The following HYKK variants were observed in gnomAD, a reference collection of about 807,000 sequenced individuals.
HYKK encodes 5-hydroxy-L-lysine kinase.
HYKK carries 19 observed loss-of-function variants against 29.7 expected under a neutral mutation model. That is an observed-to-expected ratio of 0.64 (90% CI 0.45 to 0.94). HYKK has a LOEUF of 0.94. Ranked by LOEUF, HYKK falls within the 40% of genes least tolerant of loss-of-function variation. The probability of loss-of-function intolerance (pLI) is 0.00; values close to 1 mark genes in which losing one functional copy is unlikely to be tolerated. For synonymous variants in HYKK, 152 were observed against 158.1 expected (o/e 0.96, Z 0.29); for missense variants, 390 against 443.4 (o/e 0.88, Z 1.08).
chr15:78,524,344 C>T (rs999635230), intron 3 of HYKK, among the ~76,000 whole-genome samples: 2 of 152,344 alleles, frequency 1.3e-5, no homozygotes, highest in African/African-American at 4.8e-5. Context: ...AAGCTATACC[C>T]GTACCATACC....
At chr15:78,521,915 T>C (rs545547724) in intron 3 of HYKK, among the ~76,000 whole-genome samples, 2 of 152,012 alleles carry the variant, frequency 1.3e-5, no homozygotes, top group African/African-American at 4.8e-5. Context: ...CTCAGAGCCT[T>C]CCCCGAGTAG....
At chr15:78,511,208 C>T (rs1293104022) in intron 1 of HYKK, among the ~76,000 whole-genome samples, 3 of 152,028 alleles carry the variant, frequency 2.0e-5, no homozygotes, top group Non-Finnish European at 4.4e-5. Flanking sequence ...TTATTTACAA[C>T]TTAGTATGAA....
chr15:78,527,792 A>G, intron 4 of HYKK: 1 of 1,215,746 alleles, frequency 8.2e-7, no homozygotes, highest in Non-Finnish European at 1.0e-6. Context: ...TTAAATTTGC[A>G]CATTACATAT....
At chr15:78,522,009 A>C (rs1489407064) in intron 3 of HYKK, among the ~76,000 whole-genome samples, 2 of 147,988 alleles carry the variant, frequency 1.4e-5, no homozygotes, top group African/African-American at 5.0e-5. Context: ...TAATGAGGTG[A>C]GATCTCACTA....
chr15:78,512,780 A>G (rs184539019), intron 1 of HYKK, among the ~76,000 whole-genome samples: 10 of 152,252 alleles, frequency 6.6e-5, no homozygotes, highest in African/African-American at 2.4e-4. Context: ...AATTTCCCCT[A>G]TAAAATTAAT....
Position 78,533,281 on chromosome 15 carries a change from G to A in HYKK, c.733G>A (p.Glu245Lys), listed in dbSNP as rs1270581931. ...CAGCAAGTCAGCCTCTGGAAATGCTGAATATCAAGTGTCTGGGATTTTAGA... is the reference window on the plus strand; with the variant it reads ...CAGCAAGTCAGCCTCTGGAAATGCTAAATATCAAGTGTCTGGGATTTTAGA... The part of the protein sequence containing the change: ...ESSKSASGNA[E>K]YQVSGILDFG... The change falls in exon 5 of 5, where the codon GAA becomes AAA. Residue 245 changes from glutamate to lysine, a missense_variant. Coordinates refer to ENST00000388988, the MANE Select transcript of HYKK (RefSeq NM_001013619.4). The A allele has an allele frequency of 1.2e-6, 2 of 1,613,688 alleles. No individual in the cohort carries two copies. Among genetic ancestry groups the A allele is most frequent in the Non-Finnish European group, 1.7e-6 (2 of 1,179,670 alleles).
intron 4 of HYKK, among the ~76,000 whole-genome samples, chr15:78,532,896 C>A (rs1276554930): frequency 6.6e-6 from 1 of 152,160 alleles, no homozygotes; most frequent in Non-Finnish European, 1.5e-5. Context: ...GAATGTGTTT[C>A]TATTCTTTTA....
At chr15:78,513,448 A>C in intron 2 of HYKK, 23 bp downstream of exon 2, 1 of 1,531,964 alleles carries the variant, frequency 6.5e-7, no homozygotes, top group Non-Finnish European at 9.0e-7. Context: ...CAATTCGCCG[A>C]TCCATTACCT....
In HYKK at chr15:78,513,176, T is replaced by C. The variant is rs1244712759; in HGVS notation, c.88T>C (p.Phe30Leu). ...EQASALVESV[F>L]GLKVSKVRPL... ...AGCCTCTGCGTTAGTGGAGTCAGTG[T>C]TTGGGTTGAAAGTTTCCAAGGTCCG... Residue 30 changes from phenylalanine (F) to leucine (L), a missense_variant, in exon 2 of 5, where the codon TTT becomes CTT. Transcript: ENST00000388988. 1.9e-6 allele frequency: 3 copies of C among 1,614,032 alleles called. No homozygotes were observed. Among genetic ancestry groups the C allele is most frequent in the African/African-American group, 1.3e-5 (1 of 74,916 alleles).
Position 78,533,372 on chromosome 15 carries a change from T to C in HYKK, c.824T>C (p.Ile275Thr), listed in dbSNP as rs200571995. ...GCAATTACCATCATGTACATGATGA[T>C]TGAGAGCAAGAGTCCTATACAAGTA... ...EVAITIMYMM[I>T]ESKSPIQVGG... Residue 275 changes from isoleucine to threonine, a missense_variant, in exon 5 of 5, where the codon ATT becomes ACT. Coordinates refer to ENST00000388988, the MANE Select transcript of HYKK (RefSeq NM_001013619.4). 64 of 1,614,196 alleles carry C rather than the reference T, an allele frequency of 4.0e-5. No individual in the cohort carries two copies. In the East Asian group the frequency reaches 5.6e-4, roughly 14 times the overall value.
At position 78,528,213 on chromosome 15, in the gene HYKK, C is replaced by G. The variant is rs150143627; in HGVS notation, c.661+650C>G. ...GCTCTGCCTCCTGTCAAATCAGCAG[C>G]AGCATTTGATTCTCATAGGAGCACA... On this transcript the variant is annotated intron_variant, in intron 4 of 4. Transcript: ENST00000388988. The G allele has an allele frequency of 2.7e-4, 42 of 156,668 alleles. 1 individual carries two copies. In the East Asian group the frequency reaches 8.1e-3, roughly 30 times the overall value. The allele number at this position is 156,668 out of a possible 1,614,324, so 9.7% of individuals were successfully genotyped here. A position where few individuals can be genotyped will look rare whatever the true frequency, so the allele number is the denominator to read the frequency against.
chr15:78,532,223 A>C (rs1449126643), intron 4 of HYKK, among the ~76,000 whole-genome samples: 6 of 152,208 alleles, frequency 3.9e-5, no homozygotes, highest in Non-Finnish European at 8.8e-5. Flanking sequence ...TTCATGCCAC[A>C]TGCAACTAAC....
At chr15:78,525,807 A>G (rs2052248295) in intron 3 of HYKK, among the ~76,000 whole-genome samples, 1 of 152,214 alleles carries the variant, frequency 6.6e-6, no homozygotes, top group African/African-American at 2.4e-5. Context: ...CCAGAATATA[A>G]TTTTTAAAAA....
chr15:78,525,224 C>CAGCTCA (rs767129213), intron 3 of HYKK, among the ~76,000 whole-genome samples: 2 of 151,810 alleles, frequency 1.3e-5, no homozygotes, highest in Non-Finnish European at 2.9e-5. Context: ...GGTGCGATCT[C>CAGCTCA]AGCTCACTGC....
Position 78,533,367 on chromosome 15 carries a change from G to A in HYKK, c.819G>A (p.Met273Ile). The A allele has an allele frequency of 6.2e-7, 1 of 1,614,210 alleles. No individual in the cohort carries two copies. Residue 273 changes from methionine (M) to isoleucine (I), a missense_variant, in exon 5 of 5, where the codon ATG (methionine) becomes ATA (isoleucine). Transcript: ENST00000388988. ...AAGTGGCAATTACCATCATGTACATGATGATTGAGAGCAAGAGTCCTATAC... is the reference window on the plus strand; with the variant it reads ...AAGTGGCAATTACCATCATGTACATAATGATTGAGAGCAAGAGTCCTATAC... Reference protein sequence around the residue: ...VFEVAITIMYMMIESKSPIQV... With the variant: ...VFEVAITIMYIMIESKSPIQV...
chr15:78,517,620 G>T (rs1270582743), intron 3 of HYKK, among the ~76,000 whole-genome samples: 1 of 152,000 alleles, frequency 6.6e-6, no homozygotes. Context: ...CCAGTTTTGA[G>T]CAGTTTGATT....
intron 4 of HYKK, among the ~76,000 whole-genome samples, 176 bp from the exon 5 acceptor site, chr15:78,533,034 C>T (rs1431858447): frequency 2.0e-5 from 3 of 152,152 alleles, no homozygotes; most frequent in Non-Finnish European, 4.4e-5. Context: ...AACCACCACC[C>T]CAAATTAACT....
In HYKK at chr15:78,533,257, A is replaced by G. The variant is rs1244343535; in HGVS notation, c.709A>G (p.Ser237Gly). 8 of 1,613,536 alleles carry G rather than the reference A, an allele frequency of 5.0e-6. No individual in the cohort carries two copies. Among genetic ancestry groups the G allele is most frequent in the Non-Finnish European group, 5.9e-6 (7 of 1,179,520 alleles). The change falls in exon 5 of 5, where the codon AGC (serine) becomes GGC (glycine). Residue 237 changes from serine to glycine, a missense_variant. By Grantham distance (56) the Ser-to-Gly change is moderately conservative. Coordinates refer to ENST00000388988, the MANE Select transcript of HYKK (RefSeq NM_001013619.4). ...TGACCATAATATTTTAATAGAGTCCAGCAAGTCAGCCTCTGGAAATGCTGA... is the reference window on the plus strand; with the variant it reads ...TGACCATAATATTTTAATAGAGTCCGGCAAGTCAGCCTCTGGAAATGCTGA... ...LNDHNILIES[S>G]KSASGNAEYQ...
chr15:78,513,852 C>T (rs375151197), intron 2 of HYKK, among the ~76,000 whole-genome samples: 1 of 152,058 alleles, frequency 6.6e-6, no homozygotes, highest in Non-Finnish European at 1.5e-5. Flanking sequence ...AGTACAGTGG[C>T]GCAGTCACAG....
Sources: gnomAD v4.1 joint callset for allele counts (sites outside exome capture counted in the v4.1 genomes callset) on GRCh38, gnomAD v4.1.1 for gene constraint, MANE v1.5 for transcripts, NCBI Gene and HGNC (gene_info 2026-07-23, HGNC 2026-07-21) for gene names.